Variants in FILIP1 observed in about 807,000 individuals in gnomAD.
FILIP1 encodes filamin A interacting protein 1, also known as filamin-A-interacting protein 1.
In FILIP1, 61 loss-of-function variants were observed where a neutral mutation model predicts 102.1. The observed-to-expected ratio is 0.60, with a 90% CI of 0.49 to 0.74. The LOEUF is 0.74. Among genes scored for constraint, FILIP1 ranks in the 30% least tolerant of loss-of-function variants. FILIP1 has a pLI of 0.00. For missense variants in FILIP1, 1,314 were observed against 1,441.2 expected, an observed-to-expected ratio of 0.91 and a Z score of 1.43; for synonymous variants, 491 against 526.9, an observed-to-expected ratio of 0.93 and a Z score of 0.93.
chr6:75,306,910 C>G (rs1773003907), downstream of FILIP1, among the ~76,000 whole-genome samples: 3 of 151,806 alleles, frequency 2.0e-5, no homozygotes, highest in Admixed American at 2.0e-4. Context: ...TCAAGTGATT[C>G]TCCTGCCTCA....
chr6:75,306,190 CTG>C (rs1772979652), downstream of FILIP1, among the ~76,000 whole-genome samples: 1 of 152,134 alleles, frequency 6.6e-6, no homozygotes, highest in Non-Finnish European at 1.5e-5. Flanking sequence ...AAAAGCAAAT[CTG>C]TGTTGTTCTG....
intron 5 of FILIP1, 66 bp from the exon 6 acceptor site, chr6:75,308,963 ATC>A: frequency 6.4e-7 from 1 of 1,559,794 alleles, no homozygotes; most frequent in Non-Finnish European, 8.8e-7. Flanking sequence ...TATGCCATCA[ATC>A]TGAACATTAG....
At chr6:75,327,849 A>G (rs1275302434) in intron 4 of FILIP1, among the ~76,000 whole-genome samples, 1 of 152,112 alleles carries the variant, frequency 6.6e-6, no homozygotes, top group Non-Finnish European at 1.5e-5. Flanking sequence ...GTGTTTCTCA[A>G]AAAGAGACAG....
intron 1 of FILIP1, among the ~76,000 whole-genome samples, chr6:75,435,602 T>A (rs527913089): frequency 1.3e-5 from 2 of 152,308 alleles, no homozygotes; most frequent in Non-Finnish European, 2.9e-5. Flanking sequence ...CCAAGAGACT[T>A]TCCTCAAAGA....
chr6:75,331,127 T>C (rs921777307), intron 4 of FILIP1, among the ~76,000 whole-genome samples: 2 of 152,220 alleles, frequency 1.3e-5, no homozygotes, highest in Non-Finnish European at 1.5e-5. Flanking sequence ...TGATTTAGTC[T>C]TCAAGAAAAT....
At chr6:75,372,621 A>AAAAAGAAAGAAAG (rs1775563275) in intron 2 of FILIP1, among the ~76,000 whole-genome samples, 1 of 42,230 alleles carries the variant, frequency 2.4e-5, no homozygotes, top group Admixed American at 3.6e-4. Context: ...GAAAGAAAGA[A>AAAAAGAAAGAAAG]AAAGAAAGAA....
intron 1 of FILIP1, among the ~76,000 whole-genome samples, chr6:75,443,932 TAAC>T (rs1482943440): frequency 1.3e-5 from 2 of 152,162 alleles, no homozygotes; most frequent in Non-Finnish European, 2.9e-5. Flanking sequence ...AGTATGGAGA[TAAC>T]AATAATATCT....
chr6:75,448,049 T>C (rs930477352), intron 1 of FILIP1, among the ~76,000 whole-genome samples: 1 of 152,074 alleles, frequency 6.6e-6, no homozygotes, highest in African/African-American at 2.4e-5. Flanking sequence ...ACCCCCCACA[T>C]AGATGAGGAA....
chr6:75,367,048 A>T (rs1168876165), intron 2 of FILIP1, among the ~76,000 whole-genome samples: 3 of 152,174 alleles, frequency 2.0e-5, no homozygotes, highest in African/African-American at 7.2e-5. Flanking sequence ...AAAATACGCA[A>T]ATATTATTGG....
chr6:75,320,958 T>C (rs2149562792), intron 4 of FILIP1, among the ~76,000 whole-genome samples: 1 of 152,338 alleles, frequency 6.6e-6, no homozygotes, highest in South Asian at 2.1e-4. Context: ...TATGGGAGTA[T>C]TAGAACAGGC....
chr6:75,298,871 T>A (rs998633397), intron 6 of FILIP1, among the ~76,000 whole-genome samples: 1 of 152,020 alleles, frequency 6.6e-6, no homozygotes, highest in Non-Finnish European at 1.5e-5. Flanking sequence ...CGTGCCGAGA[T>A]AGCACCACTG....
At chr6:75,412,126 C>T (rs1213506334) in intron 2 of FILIP1, among the ~76,000 whole-genome samples, 1 of 152,112 alleles carries the variant, frequency 6.6e-6, no homozygotes, top group African/African-American at 2.4e-5. Flanking sequence ...TGAAGAGGTC[C>T]TTCACATCCC....
intron 4 of FILIP1, among the ~76,000 whole-genome samples, chr6:75,339,722 G>A (rs1050664978): frequency 5.3e-5 from 8 of 152,110 alleles, no homozygotes; most frequent in Admixed American, 2.6e-4. Context: ...CCAAGGCAGG[G>A]GGATCACTTG....
At chr6:75,387,093 C>T (rs1776122513) in intron 2 of FILIP1, among the ~76,000 whole-genome samples, 1 of 152,122 alleles carries the variant, frequency 6.6e-6, no homozygotes, top group Non-Finnish European at 1.5e-5. Flanking sequence ...TGTTCAACTC[C>T]CACTTATGAG....
chr6:75,431,693 C>T (rs1777828084), intron 1 of FILIP1, among the ~76,000 whole-genome samples: 1 of 152,172 alleles, frequency 6.6e-6, no homozygotes, highest in South Asian at 2.1e-4. Context: ...CCACACCAGG[C>T]ACAGCCAGCT....
At chr6:75,408,904 C>T (rs1048450876) in intron 2 of FILIP1, among the ~76,000 whole-genome samples, 1 of 152,292 alleles carries the variant, frequency 6.6e-6, no homozygotes, top group African/African-American at 2.4e-5. Context: ...GAAGCCCCCC[C>T]AGAATTGTGC....
chr6:75,421,862 G>A (rs144758682), intron 1 of FILIP1, among the ~76,000 whole-genome samples: 4 of 152,160 alleles, frequency 2.6e-5, no homozygotes, highest in Non-Finnish European at 5.9e-5. Flanking sequence ...AGAGTCACAC[G>A]GCTGATCAAT....
At chr6:75,454,024 C>T (rs1456568057) in intron 1 of FILIP1, 2 of 456,542 alleles carry the variant, frequency 4.4e-6, no homozygotes, top group African/African-American at 4.0e-5. Flanking sequence ...TATTATCTCA[C>T]AGTTTCTGCA....
At chr6:75,381,472 C>A (rs545237654) in intron 2 of FILIP1, among the ~76,000 whole-genome samples, 5 of 152,258 alleles carry the variant, frequency 3.3e-5, no homozygotes, top group African/African-American at 1.2e-4. Context: ...TCGTTATCTG[C>A]CCACCTTGGC....
Sources: allele counts gnomAD v4.1 joint callset (sites outside exome capture counted in the v4.1 genomes callset), GRCh38; gene constraint gnomAD v4.1.1; transcripts MANE v1.5; gene names NCBI Gene and HGNC (gene_info 2026-07-23, HGNC 2026-07-21).